Variants in TNIK observed in about 807,000 individuals in gnomAD.
TNIK encodes the protein TRAF2 and NCK-interacting protein kinase.
In TNIK, 49 loss-of-function variants were observed where a neutral mutation model predicts 191.3. The observed-to-expected ratio is 0.26, with a 90% CI of 0.20 to 0.32. TNIK has a LOEUF of 0.32. TNIK is among the 10% of genes least tolerant of loss of function. The pLI is 1.00. For missense variants in TNIK, 1,155 were observed against 1,702.3 expected, an observed-to-expected ratio of 0.68 and a Z score of 5.66; for synonymous variants, 594 against 600.9, an observed-to-expected ratio of 0.99 and a Z score of 0.17.
In TNIK at chr3:171,128,120, G is replaced by A. The variant is rs532430398; in HGVS notation, c.1773+594C>T. On this transcript the variant is annotated intron_variant, in intron 16 of 32. Coordinates refer to ENST00000436636, the MANE Select transcript of TNIK (RefSeq NM_015028.4). ...CTAAAGTACATTAGAATCACTTAGA[G>A]GTCTTGTTAAATCACAGACTGCCAG... is the stretch of plus-strand genomic sequence containing the variant. Among the ~76,000 whole-genome samples the A allele has an allele frequency of 7.9e-5, 12 of 152,238 alleles. No homozygotes were observed. In the South Asian group the frequency reaches 2.3e-3, roughly 29 times the overall value.
At chr3:171,156,585 C>G (rs1350264530) in intron 12 of TNIK, among the ~76,000 whole-genome samples, 1 of 152,210 alleles carries the variant, frequency 6.6e-6, no homozygotes, top group Admixed American at 6.5e-5. Context: ...TTTGATTTAT[C>G]TGGCAGAGGA....
chr3:171,282,446 C>G (rs1046135480), intron 2 of TNIK, among the ~76,000 whole-genome samples: 1 of 150,292 alleles, frequency 6.7e-6, no homozygotes, highest in Non-Finnish European at 1.5e-5. Flanking sequence ...GGTTCAAGCA[C>G]TTCTCCTGCC....
Position 171,212,430 on chromosome 3 carries a change from G to T in TNIK, c.181-1189C>A, listed in dbSNP as rs752222552. ...CATACCTGCTGTATTTGTTGACATT[G>T]GTATGGAGGTATGTCCCATTACTCG... On this transcript the variant is annotated intron_variant, in intron 3 of 32. Transcript: ENST00000436636. Among the ~76,000 whole-genome samples, 123 of 152,042 alleles carry T rather than the reference G, an allele frequency of 8.1e-4. 1 individual carries two copies. Among genetic ancestry groups the T allele is most frequent in the Non-Finnish European group, 1.5e-3 (104 of 68,012 alleles).
intron 17 of TNIK, 128 bp from the exon 18 acceptor site, chr3:171,123,830 T>TTC (rs1728108698): frequency 1.8e-6 from 1 of 563,870 alleles, no homozygotes; most frequent in South Asian, 3.8e-5. Flanking sequence ...AGAACTATCT[T>TTC]TCATTCATTC....
At chr3:171,126,239 A>AG in intron 16 of TNIK, 88 bp from the exon 17 acceptor site, 2 of 1,430,754 alleles carry the variant, frequency 1.4e-6, no homozygotes, top group Non-Finnish European at 1.8e-6. Flanking sequence ...AAAAAAAAAA[A>AG]AAGTTCAAGG....
rs1208936841 is a variant in TNIK at position 171,159,491 on chromosome 3, C to A, written c.1016+1779G>T. On this transcript the variant is annotated intron_variant, in intron 11 of 32. Transcript: ENST00000436636. This position sits in a 1 kb window ranked among gnomAD's most constrained non-coding sequence, Gnocchi z 4.1. ...ATAGACAATGCTTGGCGTCTACTCACAAGCCTTCTCTAAAACTTAGAGCCT... is the reference window on the plus strand; with the variant it reads ...ATAGACAATGCTTGGCGTCTACTCAAAAGCCTTCTCTAAAACTTAGAGCCT... Among the ~76,000 whole-genome samples the A allele has an allele frequency of 6.6e-6, 1 of 152,160 alleles. No homozygotes were observed. The highest frequency in any genetic ancestry group is 2.1e-4 in the South Asian group (1 of 4,816).
chr3:171,092,057 C>T (rs976165432), intron 23 of TNIK, among the ~76,000 whole-genome samples: 31 of 151,748 alleles, frequency 2.0e-4, no homozygotes, highest in African/African-American at 9.7e-5. Flanking sequence ...TCACGCCATT[C>T]TCCTGCCTCA....
At chr3:171,330,302 T>C (rs991816104) in intron 2 of TNIK, among the ~76,000 whole-genome samples, 4 of 152,242 alleles carry the variant, frequency 2.6e-5, no homozygotes, top group African/African-American at 9.6e-5. Flanking sequence ...TGGAATACCT[T>C]TGTAAAGGCC....
chr3:171,304,762 A>G (rs561451847), intron 2 of TNIK, among the ~76,000 whole-genome samples: 1 of 152,252 alleles, frequency 6.6e-6, no homozygotes, highest in South Asian at 2.1e-4. Flanking sequence ...TCACAAGGAC[A>G]AAAAACCAAA....
At chr3:171,200,042 ATGTTTTTGTTTT>A (rs539651962) in intron 4 of TNIK, among the ~76,000 whole-genome samples, 2 of 152,184 alleles carry the variant, frequency 1.3e-5, no homozygotes, top group African/African-American at 2.4e-5. Flanking sequence ...CCAGAGACAC[ATGTTTTTGTTTT>A]TGTTTTTGTT....
chr3:171,249,483 G>A (rs185590013), intron 2 of TNIK, among the ~76,000 whole-genome samples: 3 of 152,302 alleles, frequency 2.0e-5, no homozygotes, highest in East Asian at 3.9e-4. Flanking sequence ...GAGGGATGGG[G>A]CAGTGGTGTG....
intron 1 of TNIK, among the ~76,000 whole-genome samples, chr3:171,450,673 C>A (rs1193738216): frequency 6.6e-6 from 1 of 152,168 alleles, no homozygotes; most frequent in East Asian, 1.9e-4. Context: ...GGTTTTATGG[C>A]TTTATCCTAT....
intron 2 of TNIK, among the ~76,000 whole-genome samples, chr3:171,345,916 G>A (rs2901683): frequency 0.19 from 28,307 of 152,064 alleles, 3,233 homozygotes; most frequent in Admixed American, 0.27. Flanking sequence ...AAAAGAGACT[G>A]AAGTGAACAA....
chr3:171,097,240 C>T (rs1722849287), intron 22 of TNIK, among the ~76,000 whole-genome samples: 2 of 151,988 alleles, frequency 1.3e-5, no homozygotes, highest in South Asian at 4.2e-4. Context: ...AGAAATGTGG[C>T]AAAAAGGCAT....
At position 171,084,142 on chromosome 3, in the gene TNIK, AG is replaced by A. The variant is rs780574421; in HGVS notation, c.3169+12del. Reference sequence around the variant, plus strand: ...GTTATTTAAAAAAAAAAAAAAAAAAAGCACCAACATACCCCACAGAGCTGCA... The same window carrying A: ...GTTATTTAAAAAAAAAAAAAAAAAAACACCAACATACCCCACAGAGCTGCA... On this transcript the variant is annotated intron_variant, in intron 26 of 32. Coordinates refer to ENST00000436636, the MANE Select transcript of TNIK (RefSeq NM_015028.4). 1.2e-5 allele frequency: 18 copies of A among 1,516,802 alleles called. No individual in the cohort carries two copies. The Middle Eastern group carries it at 5.3e-4, about 45-fold the overall frequency. 94.0% of individuals were successfully genotyped at this position (1,516,802 alleles called of 1,614,324 possible). A position where few individuals can be genotyped will look rare whatever the true frequency, so the allele number is the denominator to read the frequency against.
At chr3:171,362,589 C>A (rs1227215462) in intron 2 of TNIK, among the ~76,000 whole-genome samples, 1 of 152,158 alleles carries the variant, frequency 6.6e-6, no homozygotes, top group Non-Finnish European at 1.5e-5. Flanking sequence ...GAAGAACTGG[C>A]ACATGTGTTT....
chr3:171,079,816 T>C (rs1476614638), intron 27 of TNIK, among the ~76,000 whole-genome samples, 164 bp from the exon 28 acceptor site: 1 of 152,344 alleles, frequency 6.6e-6, no homozygotes, highest in East Asian at 1.9e-4. Flanking sequence ...ATGGTGTTTC[T>C]GCCAGAACTT....
At chr3:171,203,686 A>C (rs1244240342) in intron 4 of TNIK, among the ~76,000 whole-genome samples, 1 of 152,236 alleles carries the variant, frequency 6.6e-6, no homozygotes, top group Non-Finnish European at 1.5e-5. Context: ...TTTGCCAACT[A>C]AGAACTAGTC....
chr3:171,252,106 C>A (rs1425868190), intron 2 of TNIK, among the ~76,000 whole-genome samples: 1 of 151,786 alleles, frequency 6.6e-6, no homozygotes, highest in Non-Finnish European at 1.5e-5. Context: ...TATCTCTTTA[C>A]TTAACAGCCA....
Sources: allele counts gnomAD v4.1 joint callset (sites outside exome capture counted in the v4.1 genomes callset), GRCh38; gene constraint gnomAD v4.1.1; non-coding constraint Gnocchi (gnomAD v3.1); transcripts MANE v1.5; gene names NCBI Gene and HGNC (gene_info 2026-07-23, HGNC 2026-07-21).